The following CHCHD6 variants were observed in gnomAD, a reference collection of about 807,000 sequenced individuals.
CHCHD6 encodes MICOS complex subunit MIC25.
A neutral mutation model predicts 32.3 loss-of-function variants in CHCHD6; 28 were observed. The ratio of observed to expected loss-of-function variants is 0.87; its 90% confidence interval spans 0.64 to 1.19. The LOEUF (loss-of-function observed/expected upper bound fraction) is 1.19. CHCHD6 is among the 50% of genes most tolerant of loss of function. CHCHD6 has a pLI of 0.00. For missense variants in CHCHD6, 333 were observed against 307.0 expected (o/e 1.08, Z -0.63); for synonymous variants, 122 against 117.5 (o/e 1.04, Z -0.25).
At chr3:126,932,755 C>T (rs1209335605) in intron 6 of CHCHD6, among the ~76,000 whole-genome samples, 1 of 152,218 alleles carries the variant, frequency 6.6e-6, no homozygotes, top group Admixed American at 6.5e-5. Flanking sequence ...TGCCCAGTGA[C>T]CAGATCGGGC....
chr3:126,945,669 G>A (rs1049858987), intron 6 of CHCHD6, among the ~76,000 whole-genome samples: 1 of 139,510 alleles, frequency 7.2e-6, no homozygotes, highest in Non-Finnish European at 1.5e-5. Flanking sequence ...CAAGCGGGGA[G>A]ACTTGGGAGA....
intron 4 of CHCHD6, among the ~76,000 whole-genome samples, chr3:126,851,221 G>A (rs1022667040): frequency 9.2e-5 from 14 of 152,210 alleles, no homozygotes; most frequent in Non-Finnish European, 1.6e-4. Context: ...TGAGTGGTCA[G>A]CTCTTATTAC....
chr3:126,823,274 G>C (rs1049604952), intron 4 of CHCHD6, among the ~76,000 whole-genome samples: 1 of 152,126 alleles, frequency 6.6e-6, no homozygotes, highest in Admixed American at 6.5e-5. Context: ...TTGTATTTCT[G>C]TATCAATTTC....
intron 4 of CHCHD6, among the ~76,000 whole-genome samples, chr3:126,796,605 C>T (rs1323457587): frequency 6.6e-6 from 1 of 152,172 alleles, no homozygotes; most frequent in Admixed American, 6.5e-5. Context: ...GCTCCCAAGG[C>T]TGTACACCTG....
At chr3:126,879,624 A>G (rs2077582683) in intron 5 of CHCHD6, among the ~76,000 whole-genome samples, 2 of 152,262 alleles carry the variant, frequency 1.3e-5, no homozygotes, top group Admixed American at 1.3e-4. Flanking sequence ...TGTCAAGTGA[A>G]TCCAATGTGT....
At chr3:126,944,575 G>A (rs1463874625) in intron 6 of CHCHD6, among the ~76,000 whole-genome samples, 1 of 152,242 alleles carries the variant, frequency 6.6e-6, no homozygotes, top group South Asian at 2.1e-4. Flanking sequence ...AGGTGAGCAG[G>A]CCAGGGAGGC....
chr3:126,957,866 C>T (rs1576652959), intron 7 of CHCHD6: 2 of 457,478 alleles, frequency 4.4e-6, no homozygotes, highest in East Asian at 4.3e-5. Context: ...TTGTGGGTGC[C>T]GGGGACTTCT....
chr3:126,716,639 G>A (rs897890703), intron 1 of CHCHD6, among the ~76,000 whole-genome samples: 5 of 152,042 alleles, frequency 3.3e-5, no homozygotes, highest in African/African-American at 9.7e-5. Context: ...GAGTGTCTCC[G>A]GTGTGCTAAG....
At chr3:126,731,927 C>T (rs941114472) in intron 3 of CHCHD6, among the ~76,000 whole-genome samples, 1 of 151,748 alleles carries the variant, frequency 6.6e-6, no homozygotes, top group Admixed American at 6.6e-5. Flanking sequence ...AAATTAAAAA[C>T]GTTAACTGGG....
intron 5 of CHCHD6, among the ~76,000 whole-genome samples, chr3:126,877,747 T>C (rs2077558122): frequency 1.3e-5 from 2 of 152,176 alleles, no homozygotes; most frequent in Non-Finnish European, 2.9e-5. Flanking sequence ...CTGAATAAGA[T>C]TGGTGGATTA....
intron 5 of CHCHD6, among the ~76,000 whole-genome samples, chr3:126,893,604 CA>C (rs2077796185): frequency 6.6e-6 from 1 of 152,184 alleles, no homozygotes; most frequent in Admixed American, 6.5e-5. Flanking sequence ...AGCAGGGCTC[CA>C]GATTCAGGGG....
intron 4 of CHCHD6, among the ~76,000 whole-genome samples, chr3:126,822,346 G>T (rs932381687): frequency 7.9e-5 from 12 of 152,194 alleles, no homozygotes; most frequent in Admixed American, 7.2e-4. Context: ...TGTGGAATTG[G>T]CACCTTTGTT....
Position 126,763,303 on chromosome 3 carries a change from TCTTCTCCCCTTTTTC to T in CHCHD6, c.411+30083_411+30097del, listed in dbSNP as rs1338095103. Among the ~76,000 whole-genome samples, 4 of 97,834 alleles carry T rather than the reference TCTTCTCCCCTTTTTC, an allele frequency of 4.1e-5. No individual in the cohort carries two copies. In the East Asian group the frequency reaches 1.7e-3, roughly 42 times the overall value. The allele number at this position is 97,834 out of a possible 152,430, so 64.2% of individuals were successfully genotyped here. A position where few individuals can be genotyped will look rare whatever the true frequency, so the allele number is the denominator to read the frequency against. On this transcript the variant is annotated intron_variant, in intron 4 of 7. Coordinates refer to ENST00000290913, the MANE Select transcript of CHCHD6 (RefSeq NM_032343.3). ...TTTCCCTCTTCTCCCTTTTTCCCCCTCTTCTCCCCTTTTTCCCCCTCTTCTCCCTCCCCCTCCTCT... is the reference window on the plus strand; with the variant it reads ...TTTCCCTCTTCTCCCTTTTTCCCCCTCCCCTCTTCTCCCTCCCCCTCCTCT...
chr3:126,876,756 T>C (rs2077544172), intron 5 of CHCHD6, among the ~76,000 whole-genome samples: 1 of 152,228 alleles, frequency 6.6e-6, no homozygotes, highest in Non-Finnish European at 1.5e-5. Flanking sequence ...ATACATTTAT[T>C]CCATTAAGAT....
chr3:126,815,984 T>A (rs1222751348), intron 4 of CHCHD6, among the ~76,000 whole-genome samples: 1 of 152,116 alleles, frequency 6.6e-6, no homozygotes, highest in Admixed American at 6.5e-5. Context: ...ACTTTCCCCC[T>A]TCCTCTGCCC....
At chr3:126,742,067 C>T (rs1936309905) in intron 4 of CHCHD6, among the ~76,000 whole-genome samples, 1 of 152,162 alleles carries the variant, frequency 6.6e-6, no homozygotes, top group Non-Finnish European at 1.5e-5. Flanking sequence ...TTACCACTCC[C>T]TTGGTGAGGG....
chr3:126,954,392 C>T lies in CHCHD6; in HGVS notation c.567-3024C>T, dbSNP rs113694433. On this transcript the variant is annotated intron_variant, in intron 6 of 7. Coordinates refer to ENST00000290913, the MANE Select transcript of CHCHD6 (RefSeq NM_032343.3). ...AATGTGGCTGTGTCTTCCTGCACAT[C>T]GCCATTCTGCAAAGTGTCGGCGTCT... Among the ~76,000 whole-genome samples, 524 of 152,332 alleles carry T rather than the reference C, an allele frequency of 3.4e-3. 4 individuals carry two copies. The highest frequency in any genetic ancestry group is 0.012 in the African/African-American group (499 of 41,580).
intron 6 of CHCHD6, among the ~76,000 whole-genome samples, chr3:126,916,697 C>T (rs1394775508): frequency 2.0e-5 from 3 of 152,190 alleles, no homozygotes; most frequent in Admixed American, 2.0e-4. Flanking sequence ...TGAAGGGTTC[C>T]CCCCGGTATG....
chr3:126,903,171 C>T (rs144645427), intron 5 of CHCHD6, among the ~76,000 whole-genome samples: 2 of 152,310 alleles, frequency 1.3e-5, no homozygotes, highest in Non-Finnish European at 2.9e-5. Flanking sequence ...GTGCCTCGTC[C>T]AGCCTTCCCT....
Sources: gnomAD v4.1 joint callset for allele counts (sites outside exome capture counted in the v4.1 genomes callset) on GRCh38, gnomAD v4.1.1 for gene constraint, MANE v1.5 for transcripts, NCBI Gene and HGNC (gene_info 2026-07-23, HGNC 2026-07-21) for gene names.